Variants in SNAP25 observed in about 807,000 individuals in gnomAD.
The protein encoded by SNAP25 is synaptosomal-associated protein 25.
SNAP25 carries 3 observed loss-of-function variants against 28.7 expected under a neutral mutation model. The observed-to-expected ratio is 0.10, with a 90% CI of 0.05 to 0.27. SNAP25 has a LOEUF of 0.27. Among genes scored for constraint, SNAP25 ranks in the 10% least tolerant of loss-of-function variants. The probability of loss-of-function intolerance (pLI) is 1.00; values close to 1 mark genes in which losing one functional copy is unlikely to be tolerated. For synonymous variants in SNAP25, 61 were observed against 88.1 expected, an observed-to-expected ratio of 0.69 and a Z score of 1.72; for missense variants, 117 against 278.7, an observed-to-expected ratio of 0.42 and a Z score of 4.13.
intron 1 of SNAP25, among the ~76,000 whole-genome samples, chr20:10,236,452 G>C (rs950605787): frequency 6.6e-6 from 1 of 152,130 alleles, no homozygotes; most frequent in Non-Finnish European, 1.5e-5. Context: ...TGCTTTATCT[G>C]TAATTTCACT....
At chr20:10,265,265 A>G (rs1047317559) in intron 1 of SNAP25, among the ~76,000 whole-genome samples, 1 of 152,232 alleles carries the variant, frequency 6.6e-6, no homozygotes, top group Non-Finnish European at 1.5e-5. Context: ...AACTATGAAC[A>G]CGGCAGATTT....
At chr20:10,249,188 G>A (rs2063181422) in intron 1 of SNAP25, among the ~76,000 whole-genome samples, 2 of 152,218 alleles carry the variant, frequency 1.3e-5, no homozygotes, top group African/African-American at 4.8e-5. Context: ...CAGCCTCTCT[G>A]AGAGCCAGGT....
intron 1 of SNAP25, among the ~76,000 whole-genome samples, chr20:10,223,714 C>T (rs999845137): frequency 2.0e-5 from 3 of 152,070 alleles, no homozygotes; most frequent in African/African-American, 7.2e-5. Context: ...ATAGAAATTT[C>T]TAGAGAACCC....
At chr20:10,261,019 G>A (rs1227222495) in intron 1 of SNAP25, among the ~76,000 whole-genome samples, 2 of 151,638 alleles carry the variant, frequency 1.3e-5, no homozygotes, top group Admixed American at 6.6e-5. Flanking sequence ...CCACCTCTTG[G>A]GTACAGATTA....
intron 1 of SNAP25, among the ~76,000 whole-genome samples, chr20:10,259,013 A>T (rs2063366487): frequency 6.6e-6 from 1 of 152,200 alleles, no homozygotes; most frequent in African/African-American, 2.4e-5. Flanking sequence ...ACTGCTTAGT[A>T]GGTTGGCGTA....
chr20:10,300,244 C>A (rs1186027388), intron 7 of SNAP25, among the ~76,000 whole-genome samples: 1 of 152,096 alleles, frequency 6.6e-6, no homozygotes, highest in Non-Finnish European at 1.5e-5. Flanking sequence ...CTGGAACGTT[C>A]CTATAAAGAG....
At chr20:10,273,717 C>T (rs1366420504) in intron 1 of SNAP25, among the ~76,000 whole-genome samples, 2 of 152,212 alleles carry the variant, frequency 1.3e-5, no homozygotes, top group East Asian at 1.9e-4. Context: ...AATGTAATTC[C>T]TGGCTGCACA....
rs2063449528 is a variant in SNAP25 at position 10,263,182 on chromosome 20, C to A, written c.-63-12247C>A. ...TACAGGCGCCCGCCACCATGCCCGGCTAATTTTTTTGTATTTTTGGTAGAG... is the reference window on the plus strand; with the variant it reads ...TACAGGCGCCCGCCACCATGCCCGGATAATTTTTTTGTATTTTTGGTAGAG... On this transcript the variant is annotated intron_variant, in intron 1 of 7. Coordinates refer to ENST00000254976, the MANE Select transcript of SNAP25 (RefSeq NM_130811.4). 1.3e-5 allele frequency among the ~76,000 whole-genome samples: 2 copies of A among 152,010 alleles called. 1 individual carries two copies. Among genetic ancestry groups the A allele is most frequent in the South Asian group, 4.1e-4 (2 of 4,820 alleles).
chr20:10,267,647 G>A (rs920852729), intron 1 of SNAP25, among the ~76,000 whole-genome samples: 1 of 152,156 alleles, frequency 6.6e-6, no homozygotes, highest in Admixed American at 6.5e-5. Context: ...CCGCCTCCCA[G>A]GTACGAGGTT....
intron 1 of SNAP25, among the ~76,000 whole-genome samples, chr20:10,264,472 G>A (rs1441970492): frequency 1.3e-5 from 2 of 152,164 alleles, no homozygotes; most frequent in African/African-American, 4.8e-5. Flanking sequence ...TAAAGTACTT[G>A]TCACTTGAGA....
At chr20:10,257,946 C>A (rs1355545015) in intron 1 of SNAP25, among the ~76,000 whole-genome samples, 2 of 151,126 alleles carry the variant, frequency 1.3e-5, no homozygotes, top group African/African-American at 4.9e-5. Context: ...GAATAGTGCC[C>A]AAGGAAAACC....
At chr20:10,303,377 A>G (rs2064285562) in intron 7 of SNAP25, among the ~76,000 whole-genome samples, 2 of 152,168 alleles carry the variant, frequency 1.3e-5, no homozygotes. Context: ...AATTATCCAA[A>G]CAGATGACAG....
At chr20:10,221,248 G>A (rs947482509) in intron 1 of SNAP25, among the ~76,000 whole-genome samples, 3 of 152,222 alleles carry the variant, frequency 2.0e-5, no homozygotes, top group African/African-American at 7.2e-5. Flanking sequence ...GTGGAAGACT[G>A]GGGAGGAGCG....
At chr20:10,221,146 C>G (rs2062625675) in intron 1 of SNAP25, among the ~76,000 whole-genome samples, 2 of 152,218 alleles carry the variant, frequency 1.3e-5, no homozygotes, top group South Asian at 4.1e-4. Flanking sequence ...CATGTCCAGA[C>G]AGCTGTCTGC....
intron 1 of SNAP25, among the ~76,000 whole-genome samples, chr20:10,252,271 A>C (rs2063243575): frequency 6.6e-6 from 1 of 152,242 alleles, no homozygotes; most frequent in African/African-American, 2.4e-5. Flanking sequence ...CAGTTCACAG[A>C]GTATTTGAGG....
chr20:10,242,235 G>A (rs1445996348), intron 1 of SNAP25, among the ~76,000 whole-genome samples: 1 of 152,198 alleles, frequency 6.6e-6, no homozygotes, highest in Non-Finnish European at 1.5e-5. Context: ...GGAGAAAGAA[G>A]CAAGCAAGGA....
At chr20:10,284,692 T>C in intron 3 of SNAP25, 32 bp from the exon 4 acceptor site, 1 of 1,581,948 alleles carries the variant, frequency 6.3e-7, no homozygotes, top group Non-Finnish European at 8.7e-7. Context: ...CTCTAACTCC[T>C]TTTCAACTTT....
chr20:10,262,585 TA>T (rs3838031), intron 1 of SNAP25, among the ~76,000 whole-genome samples: 61,454 of 150,960 alleles, frequency 0.41, 12,841 homozygotes, highest in Middle Eastern at 0.54. Flanking sequence ...CCATACGTGA[TA>T]AAAAAAAAAT....
At chr20:10,273,116 TC>T (rs772811005) in intron 1 of SNAP25, among the ~76,000 whole-genome samples, 16 of 152,048 alleles carry the variant, frequency 1.1e-4, no homozygotes, top group Non-Finnish European at 2.2e-4. Context: ...GAACTTTTGT[TC>T]CCTTGCCTCC....
Sources: allele counts gnomAD v4.1 joint callset (sites outside exome capture counted in the v4.1 genomes callset), GRCh38; gene constraint gnomAD v4.1.1; transcripts MANE v1.5; gene names NCBI Gene and HGNC (gene_info 2026-07-23, HGNC 2026-07-21).